The following PEBP4 variants were observed in gnomAD, a reference collection of about 807,000 sequenced individuals.
PEBP4 encodes phosphatidylethanolamine binding protein 4.
Under a neutral mutation model 23.9 loss-of-function variants are expected in PEBP4, and 22 were observed. The ratio of observed to expected loss-of-function variants is 0.92; its 90% CI spans 0.66 to 1.31. PEBP4 has a LOEUF of 1.31. Among genes scored for constraint, PEBP4 ranks in the 40% most tolerant of loss-of-function variants. The pLI is 0.00. For synonymous variants in PEBP4, 112 were observed against 99.3 expected, an observed-to-expected ratio of 1.13 and a Z score of -0.76; for missense variants, 324 against 281.7, an observed-to-expected ratio of 1.15 and a Z score of -1.07.
chr8:22,901,550 A>G (rs1808710922), intron 3 of PEBP4, among the ~76,000 whole-genome samples: 1 of 151,734 alleles, frequency 6.6e-6, no homozygotes. Flanking sequence ...CCGACTCTCC[A>G]CACTGTGCAG....
At chr8:22,720,650 G>A (rs569858227) in intron 6 of PEBP4, among the ~76,000 whole-genome samples, 40 of 152,320 alleles carry the variant, frequency 2.6e-4, no homozygotes, top group African/African-American at 8.7e-4. Flanking sequence ...TGGGACAAGC[G>A]TCACATAGCT....
chr8:22,913,503 C>T (rs1271046942), intron 3 of PEBP4, among the ~76,000 whole-genome samples: 6 of 152,146 alleles, frequency 3.9e-5, no homozygotes, highest in Non-Finnish European at 8.8e-5. Flanking sequence ...GCTGGCTGAG[C>T]TCCAGCTCCC....
intron 4 of PEBP4, among the ~76,000 whole-genome samples, chr8:22,767,401 G>C (rs982511327): frequency 2.0e-5 from 3 of 152,224 alleles, no homozygotes; most frequent in African/African-American, 7.2e-5. Flanking sequence ...AAATCAGAGG[G>C]AATTCAGGGT....
rs1808437014 is a variant in PEBP4, at chr8:22,888,833, A to G, written c.258+31351T>C. Among the ~76,000 whole-genome samples, 3 of 152,180 alleles carry G rather than the reference A, an allele frequency of 2.0e-5. No homozygotes were observed. The South Asian group carries it at 6.2e-4, about 31-fold the overall frequency. On this transcript the variant is annotated intron_variant, in intron 3 of 6. Transcript: ENST00000256404. Reference sequence around the variant, plus strand: ...GGCCTTCTCTTCTTCCATGTCAGGAAGTGCTGGGCTCAGGATTCTTACACC... The same window carrying G: ...GGCCTTCTCTTCTTCCATGTCAGGAGGTGCTGGGCTCAGGATTCTTACACC...
At chr8:22,803,329 C>G (rs1229438821) in intron 4 of PEBP4, among the ~76,000 whole-genome samples, 1 of 152,170 alleles carries the variant, frequency 6.6e-6, no homozygotes, top group East Asian at 1.9e-4. Context: ...GTCTTGGCCT[C>G]TCCTGGGAGT....
chr8:22,729,434 GAGGCAAGGGAGC>G (rs1310949359), intron 4 of PEBP4, among the ~76,000 whole-genome samples: 1 of 152,248 alleles, frequency 6.6e-6, no homozygotes, highest in Non-Finnish European at 1.5e-5. Flanking sequence ...CACCCAGAGT[GAGGCAAGGGAGC>G]AGGCAAGGGT....
chr8:22,921,091 A>G (rs371971381), intron 2 of PEBP4, among the ~76,000 whole-genome samples: 20 of 152,262 alleles, frequency 1.3e-4, no homozygotes, highest in African/African-American at 4.6e-4. Flanking sequence ...GGGCTGGGCC[A>G]TGACAGCACC....
In PEBP4 at chr8:22,717,313, G is replaced by C. The variant is rs115871705; in HGVS notation, c.518-3777C>G. On this transcript the variant is annotated intron_variant, in intron 6 of 6. Transcript: ENST00000256404. Reference sequence around the variant, plus strand: ...GGGCCTCCCAAAGTGCTGGGATTACGGGTGTGAGTCACTGCACCTAGACAG... The same window carrying C: ...GGGCCTCCCAAAGTGCTGGGATTACCGGTGTGAGTCACTGCACCTAGACAG... 2.0e-5 allele frequency among the ~76,000 whole-genome samples: 3 copies of C among 152,142 alleles called. No homozygotes were observed. In the East Asian group the frequency reaches 5.8e-4, roughly 29 times the overall value.
intron 3 of PEBP4, among the ~76,000 whole-genome samples, chr8:22,912,041 G>T (rs1808949101): frequency 6.6e-6 from 1 of 152,068 alleles, no homozygotes; most frequent in African/African-American, 2.4e-5. Context: ...GGGTAAGGGG[G>T]GGCGCTGTTT....
intron 3 of PEBP4, among the ~76,000 whole-genome samples, chr8:22,840,436 T>G (rs901932482): frequency 5.9e-5 from 9 of 151,822 alleles, no homozygotes; most frequent in African/African-American, 2.2e-4. Flanking sequence ...AGATGGGGTC[T>G]TACCATCTTG....
intron 6 of PEBP4, among the ~76,000 whole-genome samples, chr8:22,716,151 C>T (rs2128747565): frequency 6.6e-6 from 1 of 152,296 alleles, no homozygotes. Flanking sequence ...TGATGCCTGT[C>T]TCATGAGCCA....
At position 22,739,273 on chromosome 8, in the gene PEBP4, C is replaced by G. The variant is rs545437775; in HGVS notation, c.358-12053G>C. 3.9e-5 allele frequency among the ~76,000 whole-genome samples: 6 copies of G among 152,320 alleles called. No homozygotes were observed. In the East Asian group the frequency reaches 1.2e-3, roughly 29 times the overall value. On this transcript the variant is annotated intron_variant, in intron 4 of 6. Transcript: ENST00000256404. ...ATGTAGGAGGCTGCAGGTCACCTTG[C>G]CCTCCCTGCCGCAGCAGAACAATTA...
chr8:22,742,390 G>C (rs958903344), intron 4 of PEBP4, among the ~76,000 whole-genome samples: 2 of 152,182 alleles, frequency 1.3e-5, no homozygotes, highest in Admixed American at 1.3e-4. Flanking sequence ...CAGCCCTAAT[G>C]GGAAAGAGGG....
chr8:22,728,637 A>G (rs139075939), intron 4 of PEBP4, among the ~76,000 whole-genome samples: 5 of 129,454 alleles, frequency 3.9e-5, no homozygotes, highest in South Asian at 4.6e-4. Context: ...TCGCTCTGTC[A>G]TCCAGGCTGG....
intron 4 of PEBP4, among the ~76,000 whole-genome samples, chr8:22,816,658 A>T (rs1806746493): frequency 6.6e-6 from 1 of 152,258 alleles, no homozygotes; most frequent in Admixed American, 6.5e-5. Flanking sequence ...GACAGAGGTC[A>T]CTGGGTTGGT....
intron 4 of PEBP4, among the ~76,000 whole-genome samples, chr8:22,813,434 G>A (rs2128761044): frequency 6.6e-6 from 1 of 152,226 alleles, no homozygotes; most frequent in Non-Finnish European, 1.5e-5. Flanking sequence ...ATTCTTTGTG[G>A]AAAGTATTAA....
At chr8:22,937,744 C>T (rs758776010) in intron 1 of PEBP4, among the ~76,000 whole-genome samples, 6 of 151,886 alleles carry the variant, frequency 4.0e-5, no homozygotes, top group Non-Finnish European at 8.8e-5. Flanking sequence ...AATAGGCCAA[C>T]GGAATAGACT....
chr8:22,739,525 T>C (rs1450967267), intron 4 of PEBP4, among the ~76,000 whole-genome samples: 1 of 152,024 alleles, frequency 6.6e-6, no homozygotes, highest in East Asian at 1.9e-4. Flanking sequence ...AGACCTTTGC[T>C]CTCTAACTCC....
chr8:22,783,875 C>T (rs981789619), intron 4 of PEBP4, among the ~76,000 whole-genome samples: 1 of 152,354 alleles, frequency 6.6e-6, no homozygotes, highest in Non-Finnish European at 1.5e-5. Context: ...ATCTCCCCGC[C>T]TTGGCTTCCC....
Sources: allele counts gnomAD v4.1 joint callset (sites outside exome capture counted in the v4.1 genomes callset), GRCh38; gene constraint gnomAD v4.1.1; transcripts MANE v1.5; gene names NCBI Gene and HGNC (gene_info 2026-07-23, HGNC 2026-07-21).